Variants in BABAM1 observed in about 807,000 individuals in gnomAD.
The protein encoded by BABAM1 is BRISC and BRCA1-A complex member 1.
Under a neutral mutation model 34.4 loss-of-function variants are expected in BABAM1, and 14 were observed. That is an observed-to-expected ratio of 0.41 (90% CI 0.27 to 0.64). The LOEUF (loss-of-function observed/expected upper bound fraction) is 0.64. Ranked by LOEUF, BABAM1 falls within the 30% of genes least tolerant of loss-of-function variation. The probability of loss-of-function intolerance (pLI) is 0.34; values close to 1 mark genes in which losing one functional copy is unlikely to be tolerated. For missense variants in BABAM1, 393 were observed against 434.0 expected (o/e 0.91, Z 0.84); for synonymous variants, 169 against 165.8 (o/e 1.02, Z -0.15).
chr19:17,268,708 C>T (rs2073800187), intron 1 of BABAM1, 86 bp from the exon 2 acceptor site: 1 of 1,389,692 alleles, frequency 7.2e-7, no homozygotes, highest in South Asian at 1.5e-5. Context: ...GGATTACAGG[C>T]ATGAGCCACC....
intron 8 of BABAM1, 108 bp downstream of exon 8, chr19:17,277,017 C>T: frequency 1.8e-6 from 2 of 1,093,008 alleles, no homozygotes; most frequent in Admixed American, 2.2e-5. Context: ...ACCCCTGGAA[C>T]CCTGGTTGGG....
rs775407791 is a variant in BABAM1 at position 17,268,892 on chromosome 19, C to T, written c.86C>T (p.Ser29Phe). Residue 29 changes from serine (S) to phenylalanine (F), a missense_variant, in exon 2 of 9, where the codon TCC becomes TTC. Coordinates refer to ENST00000598188, the MANE Select transcript of BABAM1 (RefSeq NM_014173.4). ...GCAGAGCCTCGGCCCCGCACTCGCT[C>T]CAATCCTGAAGGGGCTGAGGACCGG... ...HSAEPRPRTR[S>F]NPEGAEDRAV... The T allele has an allele frequency of 2.5e-6, 4 of 1,592,784 alleles. No individual in the cohort carries two copies. Among genetic ancestry groups the T allele is most frequent in the South Asian group, 1.1e-5 (1 of 87,998 alleles).
intron 5 of BABAM1, among the ~76,000 whole-genome samples, chr19:17,274,958 T>C (rs1335012389): frequency 2.6e-5 from 4 of 152,154 alleles, no homozygotes; most frequent in Non-Finnish European, 2.9e-5. Flanking sequence ...CCTGGCTGAG[T>C]GCAGTGATGC....
At chr19:17,276,738 T>A in intron 7 of BABAM1, 85 bp from the exon 8 acceptor site, 1 of 1,554,112 alleles carries the variant, frequency 6.4e-7, no homozygotes. Flanking sequence ...GTTCCCAGAG[T>A]CTGAGGCAGA....
chr19:17,276,861 T>A lies in BABAM1; in HGVS notation c.738T>A (p.Val246=), dbSNP rs749960676. The A allele has an allele frequency of 6.2e-7, 1 of 1,605,436 alleles. No individual in the cohort carries two copies. Among genetic ancestry groups the A allele is most frequent in the African/African-American group, 1.3e-5 (1 of 74,914 alleles). Residue 246 remains valine (V), a synonymous_variant, in exon 8 of 9, where the codon GTT becomes GTA. Transcript: ENST00000598188. ...FQCPYFFFDV[V]YIHNGTEEKE... is the part of the protein sequence containing the mutation. ...GCCCATATTTCTTCTTTGACGTTGT[T>A]TACATCCACAATGGCACTGAGGAGA... is the stretch of plus-strand genomic sequence containing the variant.
rs1472932521 is a variant in BABAM1 at position 17,278,904 on chromosome 19, G to A, written c.846G>A (p.Val282=). 6.2e-7 allele frequency: 1 copy of A among 1,613,640 alleles called. No homozygotes were observed. The highest frequency in any genetic ancestry group is 1.3e-5 in the African/African-American group (1 of 75,056). Residue 282 remains valine, a synonymous_variant, in exon 9 of 9, where the codon GTG becomes GTA. Coordinates refer to ENST00000598188, the MANE Select transcript of BABAM1 (RefSeq NM_014173.4). ...DTKGTSYKYE[V]ALAGPALELH... ...AGGGTACCAGCTACAAGTATGAGGT[G>A]GCACTGGCTGGGCCAGCCCTGGAGT...
Position 17,275,845 on chromosome 19 carries a change from A to T in BABAM1, c.569+20A>T. On this transcript the variant is annotated intron_variant, in intron 6 of 8. Transcript: ENST00000598188. ...CCTCATGTAAGTCCCCTGTGGGGAA[A>T]TTCTTATTCACCTTCAAAGAGAAGG... 6.2e-7 allele frequency: 1 copy of T among 1,609,846 alleles called. No homozygotes were observed. The highest frequency in any genetic ancestry group is 8.5e-7 in the Non-Finnish European group (1 of 1,176,162).
At chr19:17,270,550 G>A (rs538235769) in intron 2 of BABAM1, among the ~76,000 whole-genome samples, 13 of 135,866 alleles carry the variant, frequency 9.6e-5, no homozygotes, top group African/African-American at 3.1e-4. Flanking sequence ...TTTTTGAGAC[G>A]GAGTCCCGCT....
intron 2 of BABAM1, among the ~76,000 whole-genome samples, chr19:17,269,929 C>CTTT (rs1229409830): frequency 2.4e-5 from 3 of 126,270 alleles, no homozygotes; most frequent in African/African-American, 8.8e-5. Context: ...TTCTTTCTTT[C>CTTT]TTTTTTTTTT....
chr19:17,267,833 A>G (rs1301012902), intron 1 of BABAM1, among the ~76,000 whole-genome samples: 1 of 152,160 alleles, frequency 6.6e-6, no homozygotes, highest in Non-Finnish European at 1.5e-5. Flanking sequence ...TCATGCAGAC[A>G]CCCGCTAGGG....
intron 2 of BABAM1, among the ~76,000 whole-genome samples, 158 bp from the exon 3 acceptor site, chr19:17,271,439 T>A (rs2073839916): frequency 6.6e-6 from 1 of 152,186 alleles, no homozygotes; most frequent in African/African-American, 2.4e-5. Flanking sequence ...CAGTGCCCAT[T>A]CTTCTAAGCC....
chr19:17,270,326 G>A (rs1469885629), intron 2 of BABAM1, among the ~76,000 whole-genome samples: 2 of 152,012 alleles, frequency 1.3e-5, no homozygotes, highest in African/African-American at 4.8e-5. Context: ...GGGATTACAG[G>A]TGTTAGCCAC....
In BABAM1 at chr19:17,268,865, C is replaced by A. The variant is rs766735279; in HGVS notation, c.59C>A (p.Ser20Ter). The stretch of plus-strand genomic sequence containing the variant: ...GAGGAGGAGGAGGAAGAGGAGCACT[C>A]GGCAGAGCCTCGGCCCCGCACTCGC... Reference protein sequence around the residue: ...TEEEEEEEEHSAEPRPRTRSN... With the variant: ...TEEEEEEEEH The change falls in exon 2 of 9, where the codon TCG (serine) becomes TAG (stop). Residue 20 changes from serine to a stop codon, truncating the protein, a stop_gained. Transcript: ENST00000598188. LOFTEE classifies it high-confidence loss of function. 6.2e-7 allele frequency: 1 copy of A among 1,606,536 alleles called. No individual in the cohort carries two copies. Among genetic ancestry groups the A allele is most frequent in the Non-Finnish European group, 8.5e-7 (1 of 1,176,982 alleles).
At chr19:17,269,357 T>TA (rs899783584) in intron 2 of BABAM1, among the ~76,000 whole-genome samples, 4 of 149,872 alleles carry the variant, frequency 2.7e-5, no homozygotes, top group African/African-American at 9.8e-5. Flanking sequence ...TCTTTTTTTT[T>TA]TTTTTTTTTT....
intron 1 of BABAM1, 117 bp downstream of exon 1, chr19:17,267,644 T>G (rs1396224384): frequency 2.6e-5 from 4 of 152,268 alleles, no homozygotes; most frequent in Admixed American, 2.6e-4. Context: ...TCTCCTGCAG[T>G]GTAGCCTCCA....
chr19:17,275,437 T>C (rs2073896884), intron 5 of BABAM1, among the ~76,000 whole-genome samples: 1 of 152,098 alleles, frequency 6.6e-6, no homozygotes, highest in Non-Finnish European at 1.5e-5. Context: ...ATTACAGACA[T>C]GTGCCATCAG....
chr19:17,268,247 C>T (rs1364923050), intron 1 of BABAM1, among the ~76,000 whole-genome samples: 1 of 143,132 alleles, frequency 7.0e-6, no homozygotes, highest in Admixed American at 7.2e-5. Context: ...ATGGGGCTAG[C>T]ACTACGTTAA....
rs759233229 is a variant in BABAM1 at position 17,269,042 on chromosome 19, C to A, written c.236C>A (p.Ala79Asp). 6.2e-7 allele frequency: 1 copy of A among 1,602,786 alleles called. No individual in the cohort carries two copies. Reference sequence around the variant, plus strand: ...AAGTCCTGGCAGGTGCCCCCGCCAGCCCCTGAGGTCCAAATTCGGACACCA... The same window carrying A: ...AAGTCCTGGCAGGTGCCCCCGCCAGACCCTGAGGTCCAAATTCGGACACCA... ...GPKSWQVPPPAPEVQIRTPRV... is the reference protein window; with the variant it reads ...GPKSWQVPPPDPEVQIRTPRV... The change falls in exon 2 of 9, where the codon GCC becomes GAC. Residue 79 changes from alanine to aspartate, a missense_variant. Ala to Asp is a moderately radical substitution (Grantham distance 126, BLOSUM62 -2). Coordinates refer to ENST00000598188, the MANE Select transcript of BABAM1 (RefSeq NM_014173.4).
rs187701030 is a variant in BABAM1 at position 17,270,832 on chromosome 19, C to T, written c.286-765C>T. On this transcript the variant is annotated intron_variant, in intron 2 of 8. Coordinates refer to ENST00000598188, the MANE Select transcript of BABAM1 (RefSeq NM_014173.4). ...CCTCCCAAGTAGCTGGGACTACAGGCGCCCGCCACCACGCCTGGCTAATTT... is the reference window on the plus strand; with the variant it reads ...CCTCCCAAGTAGCTGGGACTACAGGTGCCCGCCACCACGCCTGGCTAATTT... Among the ~76,000 whole-genome samples, 478 of 151,686 alleles carry T rather than the reference C, an allele frequency of 3.2e-3. 3 individuals carry two copies. Among genetic ancestry groups the T allele is most frequent in the African/African-American group, 0.011 (454 of 41,322 alleles).
Sources: gnomAD v4.1 joint callset for allele counts (sites outside exome capture counted in the v4.1 genomes callset) on GRCh38, gnomAD v4.1.1 for gene constraint, MANE v1.5 for transcripts, NCBI Gene and HGNC (gene_info 2026-07-23, HGNC 2026-07-21) for gene names.